The following KCNJ16 variants were observed in gnomAD, a reference collection of about 807,000 sequenced individuals.
KCNJ16 encodes potassium inwardly rectifying channel subfamily J member 16, also known as inward rectifier potassium channel 16.
A neutral mutation model predicts 18.5 loss-of-function variants in KCNJ16; 15 were observed. That is an observed-to-expected ratio of 0.81 (90% CI 0.54 to 1.25). KCNJ16 has a LOEUF of 1.25. KCNJ16 is among the 50% of genes most tolerant of loss of function. KCNJ16 has a pLI of 0.00. For missense variants in KCNJ16, 523 were observed against 525.7 expected, an observed-to-expected ratio of 0.99 and a Z score of 0.05; for synonymous variants, 174 against 186.5, an observed-to-expected ratio of 0.93 and a Z score of 0.55.
intron 2 of KCNJ16, among the ~76,000 whole-genome samples, chr17:70,127,686 T>A (rs2073902206): frequency 6.6e-6 from 1 of 152,142 alleles, no homozygotes; most frequent in Non-Finnish European, 1.5e-5. Context: ...GGCAATGACC[T>A]GCATACAGAA....
chr17:70,079,396 C>G (rs916835340), intron 1 of KCNJ16, among the ~76,000 whole-genome samples: 3 of 152,184 alleles, frequency 2.0e-5, no homozygotes, highest in African/African-American at 7.2e-5. Context: ...ATGTTCCTCA[C>G]ATCTAATATG....
chr17:70,075,464 G>A (rs1267153971), intron 1 of KCNJ16, 74 bp downstream of exon 1: 2 of 152,114 alleles, frequency 1.3e-5, no homozygotes, highest in Non-Finnish European at 2.9e-5. Context: ...TGTGTTTGGG[G>A]AGCAGCAACA....
chr17:70,088,843 C>T (rs2071957579), intron 1 of KCNJ16, among the ~76,000 whole-genome samples: 1 of 151,644 alleles, frequency 6.6e-6, no homozygotes, highest in African/African-American at 2.4e-5. Flanking sequence ...GCCTAGTGGC[C>T]GATTTTAGTC....
intron 2 of KCNJ16, among the ~76,000 whole-genome samples, chr17:70,124,292 T>TA (rs1000944204): frequency 6.6e-6 from 1 of 152,202 alleles, no homozygotes; most frequent in African/African-American, 2.4e-5. Context: ...CCATGATAGT[T>TA]ACTGCTATCA....
intron 2 of KCNJ16, among the ~76,000 whole-genome samples, chr17:70,116,806 G>A (rs1217589429): frequency 8.5e-5 from 13 of 152,170 alleles, no homozygotes; most frequent in Non-Finnish European, 1.5e-5. Flanking sequence ...AAAAACAACA[G>A]ATGTTAGCGA....
chr17:70,078,414 T>C (rs2071409360), intron 1 of KCNJ16, among the ~76,000 whole-genome samples: 1 of 152,240 alleles, frequency 6.6e-6, no homozygotes, highest in Non-Finnish European at 1.5e-5. Flanking sequence ...TTCCTAATTT[T>C]ATTTTCCTTA....
intron 1 of KCNJ16, among the ~76,000 whole-genome samples, chr17:70,083,586 G>A (rs185697749): frequency 1.5e-4 from 23 of 152,176 alleles, no homozygotes; most frequent in African/African-American, 5.3e-4. Flanking sequence ...TAGCTTAGGA[G>A]TAATAGGCTA....
chr17:70,116,572 AAC>A (rs1170113613), intron 2 of KCNJ16, among the ~76,000 whole-genome samples: 1 of 152,220 alleles, frequency 6.6e-6, no homozygotes, highest in African/African-American at 2.4e-5. Flanking sequence ...ACAATATAAT[AAC>A]ACATTAATAT....
chr17:70,094,988 T>C (rs1255810882), intron 1 of KCNJ16, among the ~76,000 whole-genome samples: 2 of 152,182 alleles, frequency 1.3e-5, no homozygotes, highest in South Asian at 4.1e-4. Flanking sequence ...AATCAACCTT[T>C]CATATATTGG....
chr17:70,133,000 C>A lies in KCNJ16; in HGVS notation c.913C>A (p.Leu305Ile). 3.1e-6 allele frequency: 5 copies of A among 1,614,108 alleles called. No individual in the cohort carries two copies. Among genetic ancestry groups the A allele is most frequent in the Non-Finnish European group, 4.2e-6 (5 of 1,180,002 alleles). The change falls in exon 4 of 4, where the codon CTC (leucine) becomes ATC (isoleucine). Residue 305 changes from leucine (L) to isoleucine (I), a missense_variant. Coordinates refer to ENST00000392671, the MANE Select transcript of KCNJ16 (RefSeq NM_170741.4). ...AAGCTCCTATGTTCCCCGAGAAATT[C>A]TCTGGGGCCATAGGTTTAATGATGT... is the stretch of plus-strand genomic sequence containing the variant. ...SRSSYVPREI[L>I]WGHRFNDVLE...
intron 2 of KCNJ16, among the ~76,000 whole-genome samples, chr17:70,103,324 A>ACACACACACACAT (rs142139198): frequency 8.8e-5 from 10 of 113,354 alleles, no homozygotes; most frequent in Non-Finnish European, 1.6e-4. Context: ...ATATATATAC[A>ACACACACACACAT]CACACATATA....
At chr17:70,076,491 T>C (rs1227300688) in intron 1 of KCNJ16, among the ~76,000 whole-genome samples, 3 of 152,186 alleles carry the variant, frequency 2.0e-5, no homozygotes, top group Admixed American at 2.0e-4. Flanking sequence ...CTGAGTAACT[T>C]AGAGATGTAA....
At chr17:70,092,600 T>TAGAC (rs2072172826) in intron 1 of KCNJ16, among the ~76,000 whole-genome samples, 1 of 151,600 alleles carries the variant, frequency 6.6e-6, no homozygotes, top group African/African-American at 2.4e-5. Context: ...GATAGATAGA[T>TAGAC]AGATAGATAG....
rs764156320 is a variant in KCNJ16, at chr17:70,132,731, C to T, written c.644C>T (p.Thr215Ile). The change falls in exon 4 of 4, where the codon ACA becomes ATA. Residue 215 changes from threonine (T) to isoleucine (I), a missense_variant. Thr to Ile is a moderately conservative substitution (Grantham distance 89). Transcript: ENST00000392671. ...CGGCCAAACCACGTGGTAGAAGGAACAGTTAGAGCCCAACTTCTCCGCTAT... is the reference window on the plus strand; with the variant it reads ...CGGCCAAACCACGTGGTAGAAGGAATAGTTAGAGCCCAACTTCTCCGCTAT... ...DFRPNHVVEGTVRAQLLRYTE... is the reference protein window; with the variant it reads ...DFRPNHVVEGIVRAQLLRYTE... 1 of 1,614,064 alleles carries T rather than the reference C, an allele frequency of 6.2e-7. No individual in the cohort carries two copies. The highest frequency in any genetic ancestry group is 1.7e-5 in the Admixed American group (1 of 60,026).
chr17:70,103,296 G>GTGTGTGTGTGTGTATATATATATA (rs1408960241), intron 2 of KCNJ16, among the ~76,000 whole-genome samples: 2 of 72,050 alleles, frequency 2.8e-5, no homozygotes, highest in African/African-American at 8.9e-5. Flanking sequence ...ATGTGTGTGT[G>GTGTGTGTGTGTGTATATATATATA]TATATATATA....
chr17:70,099,128 T>C, intron 1 of KCNJ16, among the ~76,000 whole-genome samples: 1 of 152,174 alleles, frequency 6.6e-6, no homozygotes, highest in South Asian at 2.1e-4. Flanking sequence ...ATGAATAAGT[T>C]GACCATATAT....
chr17:70,093,871 T>C (rs1472871488), intron 1 of KCNJ16, among the ~76,000 whole-genome samples: 1 of 151,874 alleles, frequency 6.6e-6, no homozygotes, highest in African/African-American at 2.4e-5. Flanking sequence ...CCATAACTAT[T>C]GGAATATGGT....
intron 2 of KCNJ16, among the ~76,000 whole-genome samples, chr17:70,125,427 A>G (rs1447770004): frequency 6.6e-6 from 1 of 152,172 alleles, no homozygotes; most frequent in Non-Finnish European, 1.5e-5. Flanking sequence ...ACTGGGAACC[A>G]CAGGCTCTCT....
intron 1 of KCNJ16, among the ~76,000 whole-genome samples, chr17:70,087,488 G>A (rs560074187): frequency 6.6e-6 from 1 of 152,224 alleles, no homozygotes; most frequent in Admixed American, 6.5e-5. Flanking sequence ...GATCATTTGA[G>A]GTCAAGAATT....
Sources: gnomAD v4.1 joint callset for allele counts (sites outside exome capture counted in the v4.1 genomes callset) on GRCh38, gnomAD v4.1.1 for gene constraint, MANE v1.5 for transcripts, NCBI Gene and HGNC (gene_info 2026-07-23, HGNC 2026-07-21) for gene names.